Variants in CMKLR2 observed in about 807,000 individuals in gnomAD.
CMKLR2 encodes the protein chemerin-like receptor 2.
In CMKLR2, 18 loss-of-function variants were observed where a neutral mutation model predicts 23.0. The ratio of observed to expected loss-of-function variants is 0.78; its 90% CI spans 0.54 to 1.16. The LOEUF is 1.16. CMKLR2 is among the 50% of genes most tolerant of loss of function. The pLI, the probability that CMKLR2 is intolerant of heterozygous loss-of-function variation, is 0.00. For synonymous variants in CMKLR2, 158 were observed against 158.9 expected, an observed-to-expected ratio of 0.99 and a Z score of 0.05; for missense variants, 401 against 412.7, an observed-to-expected ratio of 0.97 and a Z score of 0.25.
chr2:206,195,370 A>G (rs1396741402), intron 1 of CMKLR2, among the ~76,000 whole-genome samples: 3 of 152,166 alleles, frequency 2.0e-5, no homozygotes, highest in Non-Finnish European at 2.9e-5. Context: ...GAAAATTTTG[A>G]CTTAGAAGCA....
At chr2:206,202,216 G>A (rs16838063) in intron 1 of CMKLR2, among the ~76,000 whole-genome samples, 24 of 152,046 alleles carry the variant, frequency 1.6e-4, no homozygotes, top group Non-Finnish European at 1.9e-4. Flanking sequence ...AAAGTGAGGG[G>A]TTTTAAGCAG....
intron 1 of CMKLR2, among the ~76,000 whole-genome samples, chr2:206,184,361 A>G (rs1261018983): frequency 6.8e-6 from 1 of 147,306 alleles, no homozygotes; most frequent in East Asian, 2.0e-4. Flanking sequence ...CAGTGGCATG[A>G]TCTCGGTTCA....
At chr2:206,213,994 C>T (rs1367732026), upstream of CMKLR2, among the ~76,000 whole-genome samples, 1 of 151,728 alleles carries the variant, frequency 6.6e-6, no homozygotes, top group African/African-American at 2.4e-5. Context: ...GCTGAGACTA[C>T]AGGCACCTAC....
At chr2:206,177,910 C>T (rs945335492) in intron 1 of CMKLR2, among the ~76,000 whole-genome samples, 3 of 152,104 alleles carry the variant, frequency 2.0e-5, no homozygotes, top group Non-Finnish European at 4.4e-5. Context: ...TTATTAGATT[C>T]CTACTATGCA....
chr2:206,176,397 GC>G lies in CMKLR2; in HGVS notation c.850del (p.Ala284LeufsTer16). ...HNSYSHHVMQ[A>X]GIPLSTGLAF... Reference sequence around the variant, plus strand: ...CAAACCAGTGGAGAGGGGGATTCCAGCCTGCATCACATGGTGGGAATAGCTA... The same window carrying G: ...CAAACCAGTGGAGAGGGGGATTCCAGCTGCATCACATGGTGGGAATAGCTA... On this transcript the variant is annotated frameshift_variant, in exon 2 of 2. Coordinates refer to ENST00000621141, the MANE Select transcript of CMKLR2 (RefSeq NM_001389445.1). LOFTEE classifies it high-confidence loss of function. 1 of 1,614,130 alleles carries G rather than the reference GC, an allele frequency of 6.2e-7. No homozygotes were observed. Among genetic ancestry groups the G allele is most frequent in the Non-Finnish European group, 8.5e-7 (1 of 1,179,996 alleles).
At chr2:206,212,447 G>A (rs1689604645) in intron 1 of CMKLR2, among the ~76,000 whole-genome samples, 1 of 151,940 alleles carries the variant, frequency 6.6e-6, no homozygotes, top group African/African-American at 2.4e-5. Flanking sequence ...CAGGTTTGTG[G>A]ATTCTTGGGT....
intron 1 of CMKLR2, among the ~76,000 whole-genome samples, chr2:206,210,741 A>G (rs1325989373): frequency 6.6e-6 from 1 of 152,160 alleles, no homozygotes; most frequent in Non-Finnish European, 1.5e-5. Flanking sequence ...GATTACACGC[A>G]TGAGCCACCG....
chr2:206,203,520 C>A (rs1311430363), intron 1 of CMKLR2: 1 of 152,158 alleles, frequency 6.6e-6, no homozygotes, highest in Non-Finnish European at 1.5e-5. Flanking sequence ...TCCGTAAAAA[C>A]CAGAGCTTCC....
intron 1 of CMKLR2, among the ~76,000 whole-genome samples, chr2:206,191,904 G>A (rs186580306): frequency 4.7e-5 from 7 of 148,758 alleles, no homozygotes; most frequent in African/African-American, 9.9e-5. Context: ...GCAATGGCGC[G>A]ATCTCGGTTC....
chr2:206,179,529 C>A (rs1688344255), intron 1 of CMKLR2, among the ~76,000 whole-genome samples: 1 of 151,278 alleles, frequency 6.6e-6, no homozygotes. Context: ...CAGGGTTTCA[C>A]CATGTTGGCC....
chr2:206,209,898 T>C (rs1454764868), intron 1 of CMKLR2, among the ~76,000 whole-genome samples: 1 of 151,832 alleles, frequency 6.6e-6, no homozygotes, highest in African/African-American at 2.4e-5. Context: ...TCCACCCGCC[T>C]CGGCCTCCCA....
intron 1 of CMKLR2, among the ~76,000 whole-genome samples, chr2:206,179,374 C>CTT (rs1178241566): frequency 1.6e-3 from 123 of 76,182 alleles, no homozygotes; most frequent in Non-Finnish European, 2.2e-3. Flanking sequence ...CGCACCCAGC[C>CTT]TTTTTTTTTT....
chr2:206,194,350 A>C (rs1688848968), intron 1 of CMKLR2, among the ~76,000 whole-genome samples: 1 of 152,234 alleles, frequency 6.6e-6, no homozygotes, highest in South Asian at 2.1e-4. Context: ...ATGTAGACAT[A>C]AAAGATAAAG....
In CMKLR2 at chr2:206,176,282, T is replaced by C; in HGVS notation, c.966A>G (p.Ile322Met). 6.2e-7 allele frequency: 1 copy of C among 1,614,134 alleles called. No homozygotes were observed. The highest frequency in any genetic ancestry group is 8.5e-7 in the Non-Finnish European group (1 of 1,180,010). ...TGACTTCCCACAGTGTGTACTTGAG[T>C]ATCTCAGCAACTGAGGACCGGAAGC... is the stretch of plus-strand genomic sequence containing the variant. Reference protein sequence around the residue: ...QARFRSSVAEILKYTLWEVSC... With the variant: ...QARFRSSVAEMLKYTLWEVSC... Residue 322 changes from isoleucine to methionine, a missense_variant, in exon 2 of 2, where the codon ATA (isoleucine) becomes ATG (methionine). Ile to Met is a conservative substitution (Grantham distance 10). Coordinates refer to ENST00000621141, the MANE Select transcript of CMKLR2 (RefSeq NM_001389445.1).
At chr2:206,206,670 C>T (rs976451399) in intron 1 of CMKLR2, among the ~76,000 whole-genome samples, 5 of 152,118 alleles carry the variant, frequency 3.3e-5, no homozygotes, top group African/African-American at 1.2e-4. Flanking sequence ...TGTCTGTCTC[C>T]GCCACCAACC....
intron 1 of CMKLR2, among the ~76,000 whole-genome samples, chr2:206,183,953 A>G (rs1386626436): frequency 1.3e-5 from 2 of 152,226 alleles, no homozygotes; most frequent in South Asian, 4.1e-4. Flanking sequence ...TGCTGTAACA[A>G]AGCAACAGAA....
At chr2:206,188,142 C>T (rs1688640666) in intron 1 of CMKLR2, among the ~76,000 whole-genome samples, 1 of 152,164 alleles carries the variant, frequency 6.6e-6, no homozygotes, top group Non-Finnish European at 1.5e-5. Context: ...CCACGTTGGA[C>T]AGGCTGGCCT....
intron 1 of CMKLR2, among the ~76,000 whole-genome samples, chr2:206,202,713 G>A (rs772912588): frequency 6.6e-6 from 1 of 152,146 alleles, no homozygotes; most frequent in Admixed American, 6.6e-5. Flanking sequence ...GGTGGTGGCA[G>A]CGGCGGGGGG....
chr2:206,192,044 T>C (rs1332382352), intron 1 of CMKLR2, among the ~76,000 whole-genome samples: 1 of 151,534 alleles, frequency 6.6e-6, no homozygotes, highest in Non-Finnish European at 1.5e-5. Flanking sequence ...GGAGTTTCAC[T>C]ATGTTGGCCA....
Sources: allele counts gnomAD v4.1 joint callset (sites outside exome capture counted in the v4.1 genomes callset), GRCh38; gene constraint gnomAD v4.1.1; transcripts MANE v1.5; gene names NCBI Gene and HGNC (gene_info 2026-07-23, HGNC 2026-07-21).